The following FNIP2 variants were observed in gnomAD, a reference collection of about 807,000 sequenced individuals.
FNIP2 encodes the protein folliculin interacting protein 2.
In FNIP2, 32 loss-of-function variants were observed where a neutral mutation model predicts 108.7. That is an observed-to-expected ratio of 0.29 (90% CI 0.22 to 0.40). The LOEUF (loss-of-function observed/expected upper bound fraction) is 0.40. Among genes scored for constraint, FNIP2 ranks in the 10% least tolerant of loss-of-function variants. The pLI is 1.00. For missense variants in FNIP2, 1,202 were observed against 1,381.6 expected, an observed-to-expected ratio of 0.87 and a Z score of 2.06; for synonymous variants, 480 against 496.7, an observed-to-expected ratio of 0.97 and a Z score of 0.45.
intron 13 of FNIP2, among the ~76,000 whole-genome samples, chr4:158,869,821 C>T (rs1056397339): frequency 1.3e-5 from 2 of 152,214 alleles, no homozygotes; most frequent in Non-Finnish European, 2.9e-5. Flanking sequence ...CGCCGTGTGG[C>T]CTCTCTCCTG....
intron 7 of FNIP2, among the ~76,000 whole-genome samples, chr4:158,844,463 G>T (rs1779292777): frequency 6.6e-6 from 1 of 152,188 alleles, no homozygotes. Context: ...TCATAAAGGT[G>T]ATGTCGACCA....
At chr4:158,883,905 G>A (rs1227055813) in intron 14 of FNIP2, among the ~76,000 whole-genome samples, 1 of 149,676 alleles carries the variant, frequency 6.7e-6, no homozygotes, top group African/African-American at 2.5e-5. Flanking sequence ...ACACTTGTGA[G>A]TTCCTAGACT....
intron 14 of FNIP2, chr4:158,890,121 A>G: frequency 1.0e-6 from 1 of 985,296 alleles, no homozygotes; most frequent in Non-Finnish European, 1.2e-6. Flanking sequence ...TATGAATTCA[A>G]AAATATACTT....
chr4:158,870,180 T>C lies in FNIP2; in HGVS notation c.2793-133T>C. ...TTTCTCCCACCTGTGATCCACTTAC[T>C]TGAGGGTTGGTGACATGGACCACCC... On this transcript the variant is annotated intron_variant, in intron 13 of 16. Coordinates refer to ENST00000264433, the MANE Select transcript of FNIP2 (RefSeq NM_020840.3). The C allele has an allele frequency of 2.2e-6, 2 of 916,400 alleles. 1 individual carries two copies. The highest frequency in any genetic ancestry group is 3.2e-6 in the Non-Finnish European group (2 of 618,582). The allele number at this position is 916,400 out of a possible 1,614,324, so 56.8% of individuals were successfully genotyped here. A position where few individuals can be genotyped will look rare whatever the true frequency, so the allele number is the denominator to read the frequency against.
chr4:158,779,669 A>C (rs1176908778), intron 1 of FNIP2, among the ~76,000 whole-genome samples: 3 of 151,154 alleles, frequency 2.0e-5, no homozygotes, highest in Admixed American at 2.0e-4. Context: ...TCCCGGGCTT[A>C]AGTGACCCTC....
In FNIP2 at chr4:158,868,015, T is replaced by G. The variant is rs866865802; in HGVS notation, c.1466-87T>G. The G allele has an allele frequency of 2.6e-5, 39 of 1,512,130 alleles. No homozygotes were observed. The highest frequency in any genetic ancestry group is 2.3e-4 in the Middle Eastern group (1 of 4,324). 93.7% of individuals were successfully genotyped at this position (1,512,130 alleles called of 1,614,324 possible). On this transcript the variant is annotated intron_variant, in intron 12 of 16. Coordinates refer to ENST00000264433, the MANE Select transcript of FNIP2 (RefSeq NM_020840.3). The surrounding 1 kb of genome is among the most constrained non-coding windows in gnomAD (Gnocchi z 4.6). Reference sequence around the variant, plus strand: ...GGGACTCCAGATTGGGAATATAAGTTATCTGTTTTGCTCTTGTAAAGACGG... The same window carrying G: ...GGGACTCCAGATTGGGAATATAAGTGATCTGTTTTGCTCTTGTAAAGACGG...
At chr4:158,799,145 C>T (rs962117633) in intron 1 of FNIP2, among the ~76,000 whole-genome samples, 5 of 152,182 alleles carry the variant, frequency 3.3e-5, no homozygotes, top group Admixed American at 6.5e-5. Context: ...TAGTTTTGGG[C>T]ATGTGAGCTG....
At chr4:158,828,722 C>T (rs1274633844) in intron 2 of FNIP2, among the ~76,000 whole-genome samples, 1 of 152,176 alleles carries the variant, frequency 6.6e-6, no homozygotes, top group Non-Finnish European at 1.5e-5. Context: ...GAAGCCTCAT[C>T]TTTCTCCTCA....
intron 12 of FNIP2, among the ~76,000 whole-genome samples, chr4:158,866,668 C>A (rs950078662): frequency 1.3e-5 from 2 of 151,988 alleles, no homozygotes; most frequent in African/African-American, 4.8e-5. Flanking sequence ...GTCTGCCTCC[C>A]GGGTTCAAGT....
intron 1 of FNIP2, among the ~76,000 whole-genome samples, chr4:158,806,686 A>AT (rs1219410109): frequency 6.6e-6 from 1 of 152,190 alleles, no homozygotes; most frequent in Non-Finnish European, 1.5e-5. Context: ...GAGCCAACTT[A>AT]TAAGAAGTGT....
intron 2 of FNIP2, among the ~76,000 whole-genome samples, chr4:158,826,273 G>C (rs1010694221): frequency 6.6e-6 from 1 of 152,224 alleles, no homozygotes; most frequent in Non-Finnish European, 1.5e-5. Flanking sequence ...AATCATGGCA[G>C]GAGCTAAGCA....
chr4:158,775,546 T>G (rs1320087255), intron 1 of FNIP2, among the ~76,000 whole-genome samples: 1 of 152,100 alleles, frequency 6.6e-6, no homozygotes, highest in African/African-American at 2.4e-5. Context: ...CACAGACACT[T>G]TTGTAACCAG....
intron 14 of FNIP2, among the ~76,000 whole-genome samples, chr4:158,884,388 A>G (rs1203128225): frequency 6.6e-6 from 1 of 152,218 alleles, no homozygotes; most frequent in Non-Finnish European, 1.5e-5. Flanking sequence ...GAGTAGACAA[A>G]CATGTGAAAT....
intron 14 of FNIP2, among the ~76,000 whole-genome samples, chr4:158,880,959 A>G (rs13148521): frequency 0.3 from 45,453 of 152,032 alleles, 7,444 homozygotes; most frequent in Non-Finnish European, 0.38. Flanking sequence ...ATTCATCATG[A>G]GCTCTTTGCA....
chr4:158,828,845 T>C (rs1232634862), intron 2 of FNIP2, among the ~76,000 whole-genome samples: 2 of 152,204 alleles, frequency 1.3e-5, no homozygotes, highest in African/African-American at 4.8e-5. Context: ...AGTTAAATTA[T>C]TAAAAGAGGA....
chr4:158,814,679 C>G (rs1777464686), intron 1 of FNIP2, among the ~76,000 whole-genome samples: 1 of 152,160 alleles, frequency 6.6e-6, no homozygotes, highest in African/African-American at 2.4e-5. Flanking sequence ...TAGAGAGAAA[C>G]TTTCTCCTGT....
rs749106428 is a variant in FNIP2, at chr4:158,861,426, C to T, written c.1233C>T (p.Asn411=). ...TGATGTCCGGCACTTTGGAAAAAAACCAGCTCTGCCAGCGCTTTCTCAAGG... is the reference window on the plus strand; with the variant it reads ...TGATGTCCGGCACTTTGGAAAAAAATCAGCTCTGCCAGCGCTTTCTCAAGG... The part of the protein sequence containing the change: ...LTMMSGTLEK[N]QLCQRFLKEF... Residue 411 remains asparagine, a synonymous_variant, in exon 11 of 17, where the codon AAC becomes AAT. Transcript: ENST00000264433. 4.3e-6 allele frequency: 7 copies of T among 1,614,014 alleles called. No individual in the cohort carries two copies. Among genetic ancestry groups the T allele is most frequent in the African/African-American group, 1.3e-5 (1 of 75,064 alleles).
chr4:158,831,227 A>G (rs533877305), intron 3 of FNIP2, among the ~76,000 whole-genome samples: 1 of 152,166 alleles, frequency 6.6e-6, no homozygotes, highest in Non-Finnish European at 1.5e-5. Flanking sequence ...CTAAGAGGTA[A>G]AGTCAGGCTG....
intron 7 of FNIP2, among the ~76,000 whole-genome samples, chr4:158,837,456 T>G (rs1344280490): frequency 6.6e-6 from 1 of 152,230 alleles, no homozygotes; most frequent in Non-Finnish European, 1.5e-5. Flanking sequence ...AGAAACATTA[T>G]TAGGAAAAGT....
Sources: gnomAD v4.1 joint callset for allele counts (sites outside exome capture counted in the v4.1 genomes callset) on GRCh38, gnomAD v4.1.1 for gene constraint, Gnocchi (gnomAD v3.1) non-coding constraint, MANE v1.5 for transcripts, NCBI Gene and HGNC (gene_info 2026-07-23, HGNC 2026-07-21) for gene names.